The following CYP26B1 variants were observed in gnomAD, a reference collection of about 807,000 sequenced individuals.
The protein encoded by CYP26B1 is cytochrome P450 family 26 subfamily B member 1.
Under a neutral mutation model 39.1 loss-of-function variants are expected in CYP26B1, and 8 were observed. That is an observed-to-expected ratio of 0.20 (90% confidence interval 0.12 to 0.37). The LOEUF is 0.37. Among genes scored for constraint, CYP26B1 ranks in the 10% least tolerant of loss-of-function variants. The pLI is 1.00. For missense variants in CYP26B1, 615 were observed against 707.0 expected (o/e 0.87, Z 1.48); for synonymous variants, 321 against 314.3 (o/e 1.02, Z -0.23).
rs997246177 is a variant in CYP26B1 at position 72,129,430 on chromosome 2, T to C, written c.*2797A>G. 1 of 152,604 alleles carries C rather than the reference T, an allele frequency of 6.6e-6. No individual in the cohort carries two copies. The highest frequency in any genetic ancestry group is 1.5e-5 in the Non-Finnish European group (1 of 68,038). 9.5% of individuals were successfully genotyped at this position (152,604 alleles called of 1,614,324 possible). ...ACAAAACACACAAGTGCTTTTTCAATATTAAAACGACTGTGATAAAAACAT... is the reference window on the plus strand; with the variant it reads ...ACAAAACACACAAGTGCTTTTTCAACATTAAAACGACTGTGATAAAAACAT... On this transcript the variant is annotated 3_prime_UTR_variant, in exon 6 of 6. Coordinates refer to ENST00000001146, the MANE Select transcript of CYP26B1 (RefSeq NM_019885.4).
chr2:72,143,496 C>T (rs1204813371), intron 2 of CYP26B1, among the ~76,000 whole-genome samples: 1 of 151,262 alleles, frequency 6.6e-6, no homozygotes, highest in African/African-American at 2.4e-5. Context: ...TCTGACCAGG[C>T]CCCGCCACCG....
chr2:72,134,310 A>T (rs11884906), intron 4 of CYP26B1, among the ~76,000 whole-genome samples: 1 of 30,390 alleles, frequency 3.3e-5, no homozygotes, highest in Admixed American at 4.5e-4. Context: ...CCAGGGGCCT[A>T]GGGGGCGGGG....
rs1166557952 is a variant in CYP26B1, at chr2:72,135,237, C to T, written c.612G>A (p.Glu204=). 6.2e-7 allele frequency: 1 copy of T among 1,614,150 alleles called. No homozygotes were observed. Residue 204 remains glutamate (E), a synonymous_variant, in exon 3 of 6, where the codon GAG becomes GAA. Transcript: ENST00000001146. ...CCTCAAAGAGGTGCCCAAGGTCCTCCTCAGGGATGCTGAAGCCCAGCAGCA... is the reference window on the plus strand; with the variant it reads ...CCTCAAAGAGGTGCCCAAGGTCCTCTTCAGGGATGCTGAAGCCCAGCAGCA... ...IRVLLGFSIP[E]EDLGHLFEVY...
intron 1 of CYP26B1, among the ~76,000 whole-genome samples, chr2:72,146,164 G>A (rs546114627): frequency 4.6e-5 from 7 of 152,294 alleles, no homozygotes; most frequent in African/African-American, 1.7e-4. Context: ...GGGACCTGAG[G>A]GGGGGCAGAG....
At chr2:72,135,541 C>A in intron 2 of CYP26B1, 122 bp from the exon 3 acceptor site, 2 of 1,429,954 alleles carry the variant, frequency 1.4e-6, no homozygotes, top group Admixed American at 1.8e-5. Context: ...AACAGCAAAG[C>A]CTTGGGAGCT....
At position 72,129,937 on chromosome 2, in the gene CYP26B1, T is replaced by A. The variant is rs192628350; in HGVS notation, c.*2290A>T. ...TCAGCCAGCCAGAGCTTTCTTCAGC[T>A]CTCTTCTCACTGCCTTTGAGACCCA... On this transcript the variant is annotated 3_prime_UTR_variant, in exon 6 of 6. Transcript: ENST00000001146. 5.3e-5 allele frequency: 8 copies of A among 152,218 alleles called. No homozygotes were observed. Among genetic ancestry groups the A allele is most frequent in the Admixed American group, 1.3e-4 (2 of 15,288 alleles). The allele number at this position is 152,218 out of a possible 1,614,324, so 9.4% of individuals were successfully genotyped here.
At position 72,130,229 on chromosome 2, in the gene CYP26B1, G is replaced by T. The variant is rs960751948; in HGVS notation, c.*1998C>A. The T allele has an allele frequency of 2.6e-5, 4 of 152,450 alleles. No homozygotes were observed. The highest frequency in any genetic ancestry group is 7.2e-5 in the African/African-American group (3 of 41,560). 9.4% of individuals were successfully genotyped at this position (152,450 alleles called of 1,614,324 possible). On this transcript the variant is annotated 3_prime_UTR_variant, in exon 6 of 6. Transcript: ENST00000001146. ...CCTCCCAGACACTGGTTTTGTGTTG[G>T]GGGGAGGGGGTACAGGTCCGGGTGC...
chr2:72,143,283 G>A (rs1298203009), intron 2 of CYP26B1, among the ~76,000 whole-genome samples: 1 of 152,192 alleles, frequency 6.6e-6, no homozygotes, highest in African/African-American at 2.4e-5. Flanking sequence ...CGGGAGGGGC[G>A]GGGGCCTGTC....
chr2:72,132,773 C>T (rs1235369644), intron 5 of CYP26B1, among the ~76,000 whole-genome samples, 154 bp from the exon 6 acceptor site: 1 of 152,250 alleles, frequency 6.6e-6, no homozygotes, highest in African/African-American at 2.4e-5. Context: ...GGCCAGCCTG[C>T]CCCATTCAGC....
intron 2 of CYP26B1, among the ~76,000 whole-genome samples, chr2:72,138,359 G>A (rs1294284408): frequency 2.0e-5 from 3 of 152,108 alleles, no homozygotes; most frequent in Non-Finnish European, 4.4e-5. Flanking sequence ...GGCAGAGGGC[G>A]GCCAGGGCGG....
rs749699761 is a variant in CYP26B1, at chr2:72,129,791, T to C, written c.*2436A>G. 2 of 152,410 alleles carry C rather than the reference T, an allele frequency of 1.3e-5. No homozygotes were observed. The highest frequency in any genetic ancestry group is 4.8e-5 in the African/African-American group (2 of 41,432). 9.4% of individuals were successfully genotyped at this position (152,410 alleles called of 1,614,324 possible). On this transcript the variant is annotated 3_prime_UTR_variant, in exon 6 of 6. Transcript: ENST00000001146. ...AAGGTCAAGTTGCAATAGTTAGGGA[T>C]GATAAGTAAGAAACATCACCCATCT...
At chr2:72,142,747 T>C (rs10166057) in intron 2 of CYP26B1, among the ~76,000 whole-genome samples, 34,734 of 152,040 alleles carry the variant, frequency 0.23, 8,230 homozygotes, top group African/African-American at 0.61. Flanking sequence ...TCCCCAGAAC[T>C]CCTCTCCCGC....
intron 2 of CYP26B1, among the ~76,000 whole-genome samples, chr2:72,140,588 G>A (rs1181293663): frequency 6.6e-6 from 1 of 152,184 alleles, no homozygotes; most frequent in South Asian, 2.1e-4. Flanking sequence ...TGGTCCAAAT[G>A]CCTCCTAGAG....
intron 2 of CYP26B1, among the ~76,000 whole-genome samples, chr2:72,139,049 C>T (rs1272308353): frequency 4.6e-5 from 7 of 152,214 alleles, no homozygotes; most frequent in Admixed American, 3.9e-4. Context: ...CTTGCTCAGC[C>T]AGATAGCCTC....
At position 72,132,889 on chromosome 2, in the gene CYP26B1, G is replaced by A; in HGVS notation, c.1146+134C>T. On this transcript the variant is annotated intron_variant, in intron 5 of 5. Transcript: ENST00000001146. Reference sequence around the variant, plus strand: ...TGGGGCGCACTTCTCCCATCGGACTGAAAGCTCCCTGAAAGCAAGCACTGT... The same window carrying A: ...TGGGGCGCACTTCTCCCATCGGACTAAAAGCTCCCTGAAAGCAAGCACTGT... 4 of 1,470,404 alleles carry A rather than the reference G, an allele frequency of 2.7e-6. No homozygotes were observed. The South Asian group carries it at 3.7e-5, about 13-fold the overall frequency. The allele number at this position is 1,470,404 out of a possible 1,614,324, so 91.1% of individuals were successfully genotyped here. A position where few individuals can be genotyped will look rare whatever the true frequency, so the allele number is the denominator to read the frequency against.
chr2:72,143,883 G>T, intron 2 of CYP26B1, 106 bp downstream of exon 2: 1 of 1,359,006 alleles, frequency 7.4e-7, no homozygotes, highest in Non-Finnish European at 1.0e-6. Flanking sequence ...AGCATGGTGT[G>T]CAAAGGGGGG....
Position 72,135,268 on chromosome 2 carries a change from A to T in CYP26B1, c.581T>A (p.Ile194Asn), listed in dbSNP as rs778463797. The T allele has an allele frequency of 2.4e-5, 38 of 1,614,096 alleles. No individual in the cohort carries two copies. The highest frequency in any genetic ancestry group is 3.2e-5 in the Non-Finnish European group (38 of 1,180,032). ...EAQKLTFRMA[I>N]RVLLGFSIPE... ...GATGCTGAAGCCCAGCAGCACCCGG[A>T]TGGCCATGCGGAAGGTCAGCTTCTG... is the stretch of plus-strand genomic sequence containing the variant. The change falls in exon 3 of 6, where the codon ATC (isoleucine) becomes AAC (asparagine). Residue 194 changes from isoleucine (I) to asparagine (N), a missense_variant. Transcript: ENST00000001146.
Position 72,132,288 on chromosome 2 carries a change from A to G in CYP26B1, c.1478T>C (p.Leu493Pro). 1 of 1,606,176 alleles carries G rather than the reference A, an allele frequency of 6.2e-7. No individual in the cohort carries two copies. Among genetic ancestry groups the G allele is most frequent in the East Asian group, 2.2e-5 (1 of 44,622 alleles). ...VDGLSVKFFG[L>P]DSNQNEILPE... ...CAGGATCTCGTTCTGGTTGGAGTCC[A>G]GGCCAAAGAACTTGACGCTGAGGCC... Residue 493 changes from leucine (L) to proline (P), a missense_variant, in exon 6 of 6, where the codon CTG becomes CCG. Leu to Pro is a moderately conservative substitution (Grantham distance 98). Coordinates refer to ENST00000001146, the MANE Select transcript of CYP26B1 (RefSeq NM_019885.4).
At chr2:72,145,207 G>A (rs1053112644) in intron 1 of CYP26B1, among the ~76,000 whole-genome samples, 1 of 152,202 alleles carries the variant, frequency 6.6e-6, no homozygotes, top group East Asian at 1.9e-4. Flanking sequence ...CACCCCCGAG[G>A]GGACAACTCA....
Sources: gnomAD v4.1 joint callset for allele counts (sites outside exome capture counted in the v4.1 genomes callset) on GRCh38, gnomAD v4.1.1 for gene constraint, MANE v1.5 for transcripts, NCBI Gene and HGNC (gene_info 2026-07-23, HGNC 2026-07-21) for gene names.